CRACDL: variants seen among roughly 807,000 people sequenced by gnomAD.
CRACDL encodes CRACD-like protein.
A neutral mutation model predicts 70.6 loss-of-function variants in CRACDL; 26 were observed. That is an observed-to-expected ratio of 0.37 (90% CI 0.27 to 0.51). The LOEUF (loss-of-function observed/expected upper bound fraction) is 0.51, where lower values mean the gene tolerates loss of function less well. Ranked by LOEUF, CRACDL falls within the 20% of genes least tolerant of loss-of-function variation. The pLI is 0.94. For synonymous variants in CRACDL, 618 were observed against 615.2 expected, an observed-to-expected ratio of 1.00 and a Z score of -0.07; for missense variants, 1,283 against 1,376.9, an observed-to-expected ratio of 0.93 and a Z score of 1.08.
At chr2:98,934,891 T>C (rs1240902633) in intron 1 of CRACDL, among the ~76,000 whole-genome samples, 1 of 152,224 alleles carries the variant, frequency 6.6e-6, no homozygotes, top group Non-Finnish European at 1.5e-5. Context: ...GACTCCAAGA[T>C]GGCACAGCAT....
At chr2:98,800,184 T>C (rs1340039630) in intron 7 of CRACDL, among the ~76,000 whole-genome samples, 2 of 152,100 alleles carry the variant, frequency 1.3e-5, no homozygotes, top group Admixed American at 6.6e-5. Context: ...CAAAGTCTAG[T>C]TGGGGAGACG....
At chr2:98,903,526 C>T (rs1055545873) in intron 1 of CRACDL, among the ~76,000 whole-genome samples, 4 of 152,204 alleles carry the variant, frequency 2.6e-5, no homozygotes, top group African/African-American at 9.7e-5. Context: ...ACATCGTCTT[C>T]ACCTCACTCC....
In CRACDL at chr2:98,822,248, C is replaced by G; in HGVS notation, c.2025G>C (p.Pro675=). 2.5e-6 allele frequency: 4 copies of G among 1,598,700 alleles called. No individual in the cohort carries two copies. The highest frequency in any genetic ancestry group is 2.5e-6 in the Non-Finnish European group (3 of 1,177,616). ...EPCPAAQEPA[P]SEDRNPFPVK... is the part of the protein sequence containing the mutation. ...CGGGGAAGGGGTTTCTGTCCTCACT[C>G]GGGGCCGGCTCCTGGGCGGCTGGGC... The change falls in exon 7 of 10, where the codon CCG becomes CCC. Residue 675 remains proline (P), a synonymous_variant. Transcript: ENST00000397899. This position sits in a 1 kb window ranked among gnomAD's most constrained non-coding sequence, Gnocchi z 4.9.
At chr2:98,879,794 C>T (rs554384657) in intron 1 of CRACDL, among the ~76,000 whole-genome samples, 1 of 152,362 alleles carries the variant, frequency 6.6e-6, no homozygotes, top group South Asian at 2.1e-4. Flanking sequence ...AATCCGCCCG[C>T]CCTGGCCTCC....
intron 7 of CRACDL, among the ~76,000 whole-genome samples, chr2:98,820,783 C>A (rs1303306209): frequency 3.3e-5 from 5 of 152,198 alleles, no homozygotes; most frequent in Admixed American, 2.6e-4. Flanking sequence ...TAAATGCTGA[C>A]CCTCTTGAGA....
At chr2:98,876,816 G>A (rs938334261) in intron 1 of CRACDL, among the ~76,000 whole-genome samples, 1 of 152,210 alleles carries the variant, frequency 6.6e-6, no homozygotes, top group African/African-American at 2.4e-5. Context: ...GAAGGACCAG[G>A]CTAGGTGAAA....
At chr2:98,826,953 G>T (rs530010934) in intron 6 of CRACDL, 22 bp downstream of exon 6, 18 of 1,591,742 alleles carry the variant, frequency 1.1e-5, no homozygotes, top group Non-Finnish European at 1.5e-5. Flanking sequence ...CTGCCTCTGT[G>T]TGGAGAAGGA....
chr2:98,836,545 C>G (rs935650479), intron 3 of CRACDL, among the ~76,000 whole-genome samples: 1 of 152,142 alleles, frequency 6.6e-6, no homozygotes, highest in Non-Finnish European at 1.5e-5. Flanking sequence ...GGGAGGACAT[C>G]AGCAAGCGGA....
At chr2:98,860,970 A>G (rs1706912446) in intron 1 of CRACDL, among the ~76,000 whole-genome samples, 1 of 152,250 alleles carries the variant, frequency 6.6e-6, no homozygotes, top group Non-Finnish European at 1.5e-5. Context: ...AAGAAGGCAA[A>G]CTTACACAAA....
At chr2:98,856,110 T>A (rs1706688131) in intron 1 of CRACDL, among the ~76,000 whole-genome samples, 1 of 152,120 alleles carries the variant, frequency 6.6e-6, no homozygotes, top group Non-Finnish European at 1.5e-5. Context: ...GTAATCTACA[T>A]ATCCAAGTAG....
chr2:98,832,210 T>C lies in CRACDL; in HGVS notation c.540+138A>G, dbSNP rs370706244. 1,627 of 851,450 alleles carry C rather than the reference T, an allele frequency of 1.9e-3. 28 individuals carry two copies. The East Asian group carries it at 0.021, about 11-fold the overall frequency. 52.7% of individuals were successfully genotyped at this position (851,450 alleles called of 1,614,324 possible). A position where few individuals can be genotyped will look rare whatever the true frequency, so the allele number is the denominator to read the frequency against. On this transcript the variant is annotated intron_variant, in intron 5 of 9. Transcript: ENST00000397899. ...AAAATAAACACAGCTCAAGGGCTGA[T>C]TGTAGGCTCCAGTGACCCAGTTGGC...
chr2:98,848,188 A>G (rs1162750154), intron 1 of CRACDL, among the ~76,000 whole-genome samples: 1 of 152,304 alleles, frequency 6.6e-6, no homozygotes, highest in Non-Finnish European at 1.5e-5. Flanking sequence ...TGCTTTCATC[A>G]TCTGTGTTCA....
At chr2:98,797,610 A>C (rs1703884041) in intron 7 of CRACDL, 73 bp from the exon 8 acceptor site, 1 of 1,398,756 alleles carries the variant, frequency 7.1e-7, no homozygotes, top group Admixed American at 1.7e-5. Flanking sequence ...TGTCTCCTGC[A>C]CAGAGAACAC....
chr2:98,875,154 T>A, intron 1 of CRACDL, among the ~76,000 whole-genome samples: 1 of 152,214 alleles, frequency 6.6e-6, no homozygotes, highest in Non-Finnish European at 1.5e-5. Flanking sequence ...ACCGCCTAAG[T>A]TAAGCACCTC....
chr2:98,823,313 G>A lies in CRACDL; in HGVS notation c.960C>T (p.Ala320=), dbSNP rs892527485. ...ARLQHSSALT[A]SVEEGGVPGE... ...CGGGGACGCCCCCCTCCTCCACGCT[G>A]GCCGTGAGCGCGGAGGAGTGCTGCA... Residue 320 remains alanine (A), a synonymous_variant, in exon 7 of 10, where the codon GCC becomes GCT. Coordinates refer to ENST00000397899, the MANE Select transcript of CRACDL (RefSeq NM_207362.3). This position sits in a 1 kb window ranked among gnomAD's most constrained non-coding sequence, Gnocchi z 4.0. 10 of 1,448,270 alleles carry A rather than the reference G, an allele frequency of 6.9e-6. No homozygotes were observed. Among genetic ancestry groups the A allele is most frequent in the Non-Finnish European group, 6.3e-6 (7 of 1,112,236 alleles). 89.7% of individuals were successfully genotyped at this position (1,448,270 alleles called of 1,614,324 possible).
chr2:98,930,937 CATGT>C (rs1709057175), intron 1 of CRACDL, among the ~76,000 whole-genome samples: 1 of 151,208 alleles, frequency 6.6e-6, no homozygotes, highest in Non-Finnish European at 1.5e-5. Context: ...ATGTAATGCT[CATGT>C]ATGTGTGTGT....
At chr2:98,827,877 T>C (rs1246762404) in intron 5 of CRACDL, among the ~76,000 whole-genome samples, 3 of 152,314 alleles carry the variant, frequency 2.0e-5, no homozygotes, top group East Asian at 3.9e-4. Flanking sequence ...GAGGTGTGAC[T>C]TTAGAGGCTG....
At chr2:98,804,199 G>A (rs563154410) in intron 7 of CRACDL, among the ~76,000 whole-genome samples, 1 of 152,280 alleles carries the variant, frequency 6.6e-6, no homozygotes, top group South Asian at 2.1e-4. Context: ...TGAGCATTTT[G>A]AGACTGAGCA....
rs200231849 is a variant in CRACDL, at chr2:98,797,486, G to A, written c.2468C>T (p.Ala823Val). The A allele has an allele frequency of 1.1e-4, 179 of 1,614,178 alleles. No individual in the cohort carries two copies. Among genetic ancestry groups the A allele is most frequent in the African/African-American group, 7.5e-4 (56 of 75,054 alleles). Residue 823 changes from alanine to valine, a missense_variant, in exon 8 of 10, where the codon GCG becomes GTG. Ala to Val is a moderately conservative substitution (Grantham distance 64, BLOSUM62 0). Coordinates refer to ENST00000397899, the MANE Select transcript of CRACDL (RefSeq NM_207362.3). ...ATGPGADGQP[A>V]PPWITVTRQK... ...CCGAGTGACGGTGATCCAGGGTGGC[G>A]CAGGCTGCCCATCAGCTCCAGGCCC...
Sources: gnomAD v4.1 joint callset for allele counts (sites outside exome capture counted in the v4.1 genomes callset) on GRCh38, gnomAD v4.1.1 for gene constraint, Gnocchi (gnomAD v3.1) non-coding constraint, MANE v1.5 for transcripts, NCBI Gene and HGNC (gene_info 2026-07-23, HGNC 2026-07-21) for gene names.